Variants in NMUR1 observed in about 807,000 individuals in gnomAD.
NMUR1 encodes the protein neuromedin U receptor 1, also known as neuromedin-U receptor 1.
Under a neutral mutation model 18.8 loss-of-function variants are expected in NMUR1, and 16 were observed. That is an observed-to-expected ratio of 0.85 (90% CI 0.58 to 1.29). The LOEUF (loss-of-function observed/expected upper bound fraction) is 1.29, where lower values mean the gene tolerates loss of function less well. Among genes scored for constraint, NMUR1 ranks in the 50% most tolerant of loss-of-function variants. The pLI is 0.00. For synonymous variants in NMUR1, 258 were observed against 258.2 expected (o/e 1.00, Z 0.01); for missense variants, 529 against 580.3 (o/e 0.91, Z 0.91).
Position 231,523,425 on chromosome 2 carries a change from T to G in NMUR1, c.*1618A>C. The G allele has an allele frequency of 1.5e-5, 5 of 324,218 alleles. No individual in the cohort carries two copies. Among genetic ancestry groups the G allele is most frequent in the Non-Finnish European group, 1.7e-5 (3 of 177,240 alleles). The allele number at this position is 324,218 out of a possible 1,614,324, so 20.1% of individuals were successfully genotyped here. On this transcript the variant is annotated 3_prime_UTR_variant, in exon 3 of 3. Transcript: ENST00000305141. ...GAACTCCTCACTTGCCCTTCCCCCA[T>G]TCCCTGGCAAGAGAGGTTTTACATT... is the stretch of plus-strand genomic sequence containing the variant.
rs977777242 is a variant in NMUR1 at position 231,524,079 on chromosome 2, G to C, written c.*964C>G. 2.0e-5 allele frequency: 3 copies of C among 152,262 alleles called. No homozygotes were observed. Among genetic ancestry groups the C allele is most frequent in the Non-Finnish European group, 2.9e-5 (2 of 68,078 alleles). 9.4% of individuals were successfully genotyped at this position (152,262 alleles called of 1,614,324 possible). ...GAGGTCAGGGAGGAAGTGGGGCTTG[G>C]GGTTGATAAAGATGCAGATAATAAC... On this transcript the variant is annotated 3_prime_UTR_variant, in exon 3 of 3. Transcript: ENST00000305141.
chr2:231,522,535 C>T (rs111585545), downstream of NMUR1, among the ~76,000 whole-genome samples: 60 of 151,984 alleles, frequency 3.9e-4, no homozygotes, highest in East Asian at 9.5e-3. Flanking sequence ...CAGGTGCTCA[C>T]GGCTCTGCAC....
intron 2 of NMUR1, 75 bp from the exon 3 acceptor site, chr2:231,525,500 C>A: frequency 6.8e-7 from 1 of 1,480,694 alleles, no homozygotes; most frequent in South Asian, 1.3e-5. Flanking sequence ...CAGTTTGGGT[C>A]ACCCATTTTC....
chr2:231,519,389 A>G (rs13032129), downstream of NMUR1, among the ~76,000 whole-genome samples: 14,890 of 152,276 alleles, frequency 0.098, 929 homozygotes, highest in East Asian at 0.22. Flanking sequence ...TGCCTTGTGC[A>G]GAAACTTGAA....
rs1214742634 is a variant in NMUR1, at chr2:231,523,558, A to G, written c.*1485T>C. On this transcript the variant is annotated 3_prime_UTR_variant, in exon 3 of 3. Coordinates refer to ENST00000305141, the MANE Select transcript of NMUR1 (RefSeq NM_006056.5). The stretch of plus-strand genomic sequence containing the variant: ...TAAAACTAAACATCTGCAACCCTGT[A>G]CCACGTCCTCCACTTTCTCGGCAGG... The G allele has an allele frequency of 2.5e-5, 5 of 200,160 alleles. No individual in the cohort carries two copies. Among genetic ancestry groups the G allele is most frequent in the African/African-American group, 4.6e-5 (2 of 43,746 alleles). The allele number at this position is 200,160 out of a possible 1,614,324, so 12.4% of individuals were successfully genotyped here. A position where few individuals can be genotyped will look rare whatever the true frequency, so the allele number is the denominator to read the frequency against.
chr2:231,521,135 G>C (rs1352304397), downstream of NMUR1, among the ~76,000 whole-genome samples: 1 of 152,232 alleles, frequency 6.6e-6, no homozygotes, highest in African/African-American at 2.4e-5. Context: ...AGTACTTTAA[G>C]AGGCCAACGG....
At chr2:231,527,973 G>GACACACACAC (rs57357206) in intron 2 of NMUR1, 150 bp downstream of exon 2, 14,360 of 570,560 alleles carry the variant, frequency 0.025, 133 homozygotes, top group East Asian at 0.081. Context: ...GTGCAACTCA[G>GACACACACAC]ACACACACAC....
At chr2:231,529,503 T>TA (rs34385559) in intron 1 of NMUR1, among the ~76,000 whole-genome samples, 86 of 149,140 alleles carry the variant, frequency 5.8e-4, no homozygotes, top group African/African-American at 1.3e-3. Flanking sequence ...AATCTACATT[T>TA]AAAAAAAAAA....
chr2:231,528,675 G>A lies in NMUR1; in HGVS notation c.346C>T (p.Leu116=), dbSNP rs758235349. 4.3e-6 allele frequency: 7 copies of A among 1,614,248 alleles called. No homozygotes were observed. Among genetic ancestry groups the A allele is most frequent in the Non-Finnish European group, 5.1e-6 (6 of 1,180,042 alleles). The part of the protein sequence containing the change: ...DLLVLLVGLP[L]ELYEMWHNYP... ...TTGTGCCACATCTCATAGAGCTCCAGGGGCAGGCCCACCAGCAGCACCAGC... is the reference window on the plus strand; with the variant it reads ...TTGTGCCACATCTCATAGAGCTCCAAGGGCAGGCCCACCAGCAGCACCAGC... The change falls in exon 2 of 3, where the codon CTG becomes TTG. Residue 116 remains leucine, a synonymous_variant. Coordinates refer to ENST00000305141, the MANE Select transcript of NMUR1 (RefSeq NM_006056.5).
chr2:231,521,656 G>A (rs919586344), downstream of NMUR1, among the ~76,000 whole-genome samples: 3 of 152,166 alleles, frequency 2.0e-5, no homozygotes, highest in South Asian at 6.2e-4. Context: ...AACTCCACAG[G>A]AGGAGGAGGG....
rs2047344111 is a variant in NMUR1 at position 231,525,256 on chromosome 2, A to G, written c.1068T>C (p.Tyr356=). 3.7e-6 allele frequency: 6 copies of G among 1,614,206 alleles called. No individual in the cohort carries two copies. The highest frequency in any genetic ancestry group is 5.1e-6 in the Non-Finnish European group (6 of 1,180,032). ...YLGSAANPVL[Y]SLMSSRFRET... is the part of the protein sequence containing the mutation. ...CTCGGAAGCGGCTGGACATGAGGCT[A>G]TAGAGCACGGGGTTGGCCGCCGAGC... is the stretch of plus-strand genomic sequence containing the variant. Residue 356 remains tyrosine (Y), a synonymous_variant, in exon 3 of 3, where the codon TAT becomes TAC. Transcript: ENST00000305141.
chr2:231,528,609 T>C lies in NMUR1; in HGVS notation c.412A>G (p.Thr138Ala). Residue 138 changes from threonine (T) to alanine (A), a missense_variant, in exon 2 of 3, where the codon ACG becomes GCG. Thr to Ala is a moderately conservative substitution (Grantham distance 58, BLOSUM62 0). Transcript: ENST00000305141. The stretch of plus-strand genomic sequence containing the variant: ...AGGCAGACCATCTCAAACAGTAGCG[T>C]GCGGAAATAGCAGCCACCAACGCCC... ...LLGVGGCYFR[T>A]LLFEMVCLAS... The C allele has an allele frequency of 1.2e-6, 2 of 1,614,096 alleles. No homozygotes were observed. The highest frequency in any genetic ancestry group is 1.7e-6 in the Non-Finnish European group (2 of 1,180,012).
chr2:231,522,245 G>A (rs113387157), downstream of NMUR1, among the ~76,000 whole-genome samples: 42,154 of 151,182 alleles, frequency 0.28, 6,513 homozygotes, highest in East Asian at 0.5. Flanking sequence ...TTGGCTTCCC[G>A]AAGAGCTGGG....
downstream of NMUR1, among the ~76,000 whole-genome samples, chr2:231,521,722 C>T (rs551357082): frequency 6.6e-6 from 1 of 152,288 alleles, no homozygotes; most frequent in South Asian, 2.1e-4. Context: ...GAGCTAGATA[C>T]TTTGAGAAGC....
Position 231,525,116 on chromosome 2 carries a change from G to A in NMUR1, c.1208C>T (p.Ser403Phe), listed in dbSNP as rs752790411. Reference protein sequence around the residue: ...TTGSTLCDVGSLGSWVHPLAG... With the variant: ...TTGSTLCDVGFLGSWVHPLAG... ...CAGGGGGTGGACCCAGCTGCCCAGG[G>A]AGCCCACATCACACAGGGTGCTGCC... The change falls in exon 3 of 3, where the codon TCC becomes TTC. Residue 403 changes from serine to phenylalanine, a missense_variant. By Grantham distance (155) the Ser-to-Phe change is radical (BLOSUM62 -2). Transcript: ENST00000305141. 6.2e-7 allele frequency: 1 copy of A among 1,613,354 alleles called. No homozygotes were observed. Among genetic ancestry groups the A allele is most frequent in the Non-Finnish European group, 8.5e-7 (1 of 1,179,570 alleles).
chr2:231,528,794 A>G lies in NMUR1; in HGVS notation c.227T>C (p.Val76Ala). The G allele has an allele frequency of 6.2e-7, 1 of 1,614,228 alleles. No homozygotes were observed. Among genetic ancestry groups the G allele is most frequent in the Non-Finnish European group, 8.5e-7 (1 of 1,180,040 alleles). Residue 76 changes from valine (V) to alanine (A), a missense_variant, in exon 2 of 3, where the codon GTG (valine) becomes GCG (alanine). Physicochemically the swap from Val to Ala is moderately conservative, Grantham distance 64. Transcript: ENST00000305141. ...TYLLIFVVGA[V>A]GNGLTCLVIL... ...GACCAGACAGGTCAGCCCATTGCCC[A>G]CAGCGCCCACCACGAAGATCAGCAG...
rs761439065 is a variant in NMUR1, at chr2:231,525,456, C to T, written c.899-31G>A. ...GGGACAGAGAAGGGAGGCCGAGTGCCCGCCCGAGGCCCCTCAGCTGCCTTC... is the reference window on the plus strand; with the variant it reads ...GGGACAGAGAAGGGAGGCCGAGTGCTCGCCCGAGGCCCCTCAGCTGCCTTC... On this transcript the variant is annotated intron_variant, in intron 2 of 2. Coordinates refer to ENST00000305141, the MANE Select transcript of NMUR1 (RefSeq NM_006056.5). The T allele has an allele frequency of 7.0e-6, 11 of 1,569,638 alleles. No homozygotes were observed. In the Admixed American group the frequency reaches 9.0e-5, roughly 13 times the overall value.
downstream of NMUR1, among the ~76,000 whole-genome samples, chr2:231,521,810 G>T (rs1242318703): frequency 1.3e-5 from 2 of 152,024 alleles, no homozygotes; most frequent in East Asian, 1.9e-4. Flanking sequence ...TTTTTGCCAG[G>T]TCTTGCTTCT....
chr2:231,530,242 G>A (rs1238302686), intron 1 of NMUR1, 117 bp downstream of exon 1: 8 of 1,253,170 alleles, frequency 6.4e-6, no homozygotes, highest in Non-Finnish European at 8.6e-6. Context: ...CCGGTGGCGG[G>A]GACGGGGGGC....
Sources: allele counts gnomAD v4.1 joint callset (sites outside exome capture counted in the v4.1 genomes callset), GRCh38; gene constraint gnomAD v4.1.1; transcripts MANE v1.5; gene names NCBI Gene and HGNC (gene_info 2026-07-23, HGNC 2026-07-21).